Variants in ANO4 observed in about 807,000 individuals in gnomAD.
ANO4 encodes the protein anoctamin-4.
In ANO4, 69 loss-of-function variants were observed where a neutral mutation model predicts 141.9. The observed-to-expected ratio is 0.49, with a 90% CI of 0.40 to 0.59. The LOEUF is 0.59. Among genes scored for constraint, ANO4 ranks in the 20% least tolerant of loss-of-function variants. The pLI is 0.00. For synonymous variants in ANO4, 350 were observed against 394.3 expected (o/e 0.89, Z 1.33); for missense variants, 894 against 1,162.2 (o/e 0.77, Z 3.36).
intron 1 of ANO4, among the ~76,000 whole-genome samples, chr12:100,806,786 C>A (rs1366963072): frequency 4.0e-5 from 6 of 151,716 alleles, no homozygotes; most frequent in Non-Finnish European, 8.8e-5. Context: ...CTCTTATCTG[C>A]CTGCCTTGGC....
intron 14 of ANO4, among the ~76,000 whole-genome samples, chr12:101,073,021 T>G (rs1401332791): frequency 6.6e-6 from 1 of 152,182 alleles, no homozygotes; most frequent in Non-Finnish European, 1.5e-5. Flanking sequence ...TAGAAGACAG[T>G]GTGGCAATTC....
upstream of ANO4, among the ~76,000 whole-genome samples, chr12:100,791,598 C>T (rs2034049535): frequency 1.3e-5 from 2 of 152,264 alleles, no homozygotes; most frequent in East Asian, 1.9e-4. Flanking sequence ...GTGTCATTCC[C>T]ACCTCATCCA....
At chr12:100,904,509 C>T (rs558255230) in intron 2 of ANO4, among the ~76,000 whole-genome samples, 2 of 152,190 alleles carry the variant, frequency 1.3e-5, no homozygotes, top group Non-Finnish European at 2.9e-5. Context: ...GAGACAGCCA[C>T]GTGGATGTCT....
At chr12:100,719,024 T>C (rs1026362404) in intron 1 of ANO4, among the ~76,000 whole-genome samples, 5 of 152,198 alleles carry the variant, frequency 3.3e-5, no homozygotes, top group African/African-American at 1.2e-4. Context: ...AAAAGCTTAA[T>C]TGAGCACCCA....
chr12:100,862,086 A>G (rs895055804), intron 1 of ANO4, among the ~76,000 whole-genome samples: 17 of 152,234 alleles, frequency 1.1e-4, no homozygotes, highest in African/African-American at 4.1e-4. Flanking sequence ...TTTAATTTTA[A>G]TTTTTAAATT....
intron 1 of ANO4, among the ~76,000 whole-genome samples, chr12:100,889,769 G>C (rs1334391166): frequency 6.6e-6 from 1 of 152,134 alleles, no homozygotes; most frequent in Non-Finnish European, 1.5e-5. Flanking sequence ...GGAGAAATAG[G>C]AACACTTTTA....
chr12:100,962,340 G>A (rs1216074636), intron 5 of ANO4, among the ~76,000 whole-genome samples: 1 of 152,364 alleles, frequency 6.6e-6, no homozygotes, highest in African/African-American at 2.4e-5. Context: ...CTGTGGAGAA[G>A]TGTACAGTCT....
chr12:100,771,702 C>G (rs1201969942), intron 3 of ANO4, among the ~76,000 whole-genome samples: 2 of 152,182 alleles, frequency 1.3e-5, no homozygotes, highest in East Asian at 3.9e-4. Context: ...CAAAGTTTTC[C>G]CTACCCCTGA....
chr12:101,021,613 C>A (rs2136499311), intron 9 of ANO4, among the ~76,000 whole-genome samples: 1 of 152,296 alleles, frequency 6.6e-6, no homozygotes, highest in South Asian at 2.1e-4. Flanking sequence ...TAGAAGGTTG[C>A]ATTAAATGAC....
chr12:100,841,283 T>C (rs540769352), intron 1 of ANO4, among the ~76,000 whole-genome samples: 3 of 152,324 alleles, frequency 2.0e-5, no homozygotes, highest in South Asian at 2.1e-4. Context: ...TCATTTGATA[T>C]TGTCATGACA....
intron 8 of ANO4, among the ~76,000 whole-genome samples, chr12:100,987,977 C>T (rs1171021895): frequency 6.6e-6 from 1 of 152,160 alleles, no homozygotes; most frequent in East Asian, 1.9e-4. Flanking sequence ...CTGCCAACTC[C>T]CTGTGCACGG....
intron 3 of ANO4, among the ~76,000 whole-genome samples, chr12:100,756,102 A>G (rs1023840521): frequency 4.6e-5 from 7 of 152,202 alleles, no homozygotes; most frequent in Admixed American, 1.3e-4. Context: ...TTAAAATGCA[A>G]TTACAAAATT....
chr12:101,045,998 G>A (rs562820301), intron 13 of ANO4, among the ~76,000 whole-genome samples: 27 of 152,274 alleles, frequency 1.8e-4, no homozygotes, highest in African/African-American at 5.8e-4. Context: ...TGGCCTGTTG[G>A]GTACTTGTCC....
intron 9 of ANO4, among the ~76,000 whole-genome samples, chr12:101,033,338 G>A (rs1257975323): frequency 1.3e-5 from 2 of 151,714 alleles, no homozygotes; most frequent in Non-Finnish European, 2.9e-5. Context: ...AAGGGGGGAG[G>A]GATAGCATTG....
intron 1 of ANO4, among the ~76,000 whole-genome samples, chr12:100,810,004 T>C (rs1222885429): frequency 1.3e-5 from 2 of 152,134 alleles, no homozygotes; most frequent in Non-Finnish European, 2.9e-5. Flanking sequence ...CATGCAGCAG[T>C]GTGCCAGACA....
chr12:100,996,545 C>T (rs1031134853), intron 8 of ANO4, among the ~76,000 whole-genome samples: 9 of 151,998 alleles, frequency 5.9e-5, no homozygotes, highest in African/African-American at 1.9e-4. Context: ...ATTAGCTGGG[C>T]GTGGTGATGG....
At chr12:101,028,105 G>C (rs942869349) in intron 9 of ANO4, among the ~76,000 whole-genome samples, 1 of 152,042 alleles carries the variant, frequency 6.6e-6, no homozygotes, top group African/African-American at 2.4e-5. Context: ...ACCAGTGAAA[G>C]AAAAACAAAC....
intron 16 of ANO4, among the ~76,000 whole-genome samples, chr12:101,084,581 A>C (rs1225614587): frequency 1.3e-5 from 2 of 152,166 alleles, no homozygotes; most frequent in Non-Finnish European, 2.9e-5. Flanking sequence ...ACAAGACTAT[A>C]GCAAATTCAG....
At chr12:101,027,883 CAG>C (rs2046808473) in intron 9 of ANO4, among the ~76,000 whole-genome samples, 1 of 152,092 alleles carries the variant, frequency 6.6e-6, no homozygotes, top group African/African-American at 2.4e-5. Flanking sequence ...GACCTTCCAA[CAG>C]GGGTTGTCAG....
Sources: allele counts gnomAD v4.1 joint callset (sites outside exome capture counted in the v4.1 genomes callset), GRCh38; gene constraint gnomAD v4.1.1; transcripts MANE v1.5; gene names NCBI Gene and HGNC (gene_info 2026-07-23, HGNC 2026-07-21).